FGGY: variants seen among roughly 807,000 people sequenced by gnomAD.
FGGY encodes FGGY carbohydrate kinase domain-containing protein.
FGGY carries 72 observed loss-of-function variants against 71.3 expected under a neutral mutation model. That is an observed-to-expected ratio of 1.01 (90% confidence interval 0.84 to 1.23). FGGY has a LOEUF of 1.23. FGGY is among the 50% of genes most tolerant of loss of function. FGGY has a pLI of 0.00. For missense variants in FGGY, 668 were observed against 682.3 expected, an observed-to-expected ratio of 0.98 and a Z score of 0.23; for synonymous variants, 251 against 250.3, an observed-to-expected ratio of 1.00 and a Z score of -0.02.
intron 14 of FGGY, among the ~76,000 whole-genome samples, chr1:59,689,559 T>TAAA (rs77426995): frequency 0.013 from 1,864 of 145,746 alleles, 21 homozygotes; most frequent in Non-Finnish European, 0.019. Context: ...AGTCTCACTT[T>TAAA]AAAAAAAAAA....
chr1:59,703,591 C>T (rs985480711), intron 14 of FGGY, among the ~76,000 whole-genome samples: 6 of 152,172 alleles, frequency 3.9e-5, no homozygotes, highest in Non-Finnish European at 7.3e-5. Flanking sequence ...TGGAAGTCAG[C>T]ATAATGGGAA....
intron 14 of FGGY, among the ~76,000 whole-genome samples, chr1:59,756,831 G>A (rs993599028): frequency 6.6e-6 from 1 of 152,028 alleles, no homozygotes; most frequent in Non-Finnish European, 1.5e-5. Context: ...GGCAAAGATG[G>A]TCAGGGGAAA....
intron 1 of FGGY, among the ~76,000 whole-genome samples, chr1:59,306,966 C>T (rs984158083): frequency 5.9e-5 from 9 of 151,980 alleles, no homozygotes; most frequent in African/African-American, 1.5e-4. Flanking sequence ...AGAAAGGACT[C>T]GGTTGCTGAC....
At chr1:59,321,461 A>G (rs1377743199) in intron 1 of FGGY, 75 bp from the exon 2 acceptor site, 47 of 1,350,226 alleles carry the variant, frequency 3.5e-5, no homozygotes, top group Non-Finnish European at 4.6e-5. Flanking sequence ...TTTTATTTCT[A>G]CTTTTGAGAT....
intron 1 of FGGY, 88 bp from the exon 2 acceptor site, chr1:59,321,448 C>T (rs562693813): frequency 1.6e-6 from 2 of 1,222,318 alleles, no homozygotes; most frequent in East Asian, 2.5e-5. Flanking sequence ...GTAGCGGTAC[C>T]TCTTTTATTT....
At chr1:59,532,277 C>T (rs573192702) in intron 7 of FGGY, among the ~76,000 whole-genome samples, 9 of 152,154 alleles carry the variant, frequency 5.9e-5, no homozygotes, top group African/African-American at 2.2e-4. Flanking sequence ...AGAACTGAAA[C>T]ATAGATCTGA....
chr1:59,433,844 A>T (rs2067879406), intron 5 of FGGY, among the ~76,000 whole-genome samples: 1 of 152,110 alleles, frequency 6.6e-6, no homozygotes, highest in Non-Finnish European at 1.5e-5. Context: ...TCCTTTTTAA[A>T]TTCTAGATCT....
intron 8 of FGGY, among the ~76,000 whole-genome samples, chr1:59,575,568 G>T (rs1331543776): frequency 6.6e-6 from 1 of 152,154 alleles, no homozygotes; most frequent in Non-Finnish European, 1.5e-5. Flanking sequence ...ACATGAGAGT[G>T]CAGACATCTC....
chr1:59,715,836 C>T (rs1573598127), intron 14 of FGGY, among the ~76,000 whole-genome samples: 1 of 152,310 alleles, frequency 6.6e-6, no homozygotes, highest in East Asian at 1.9e-4. Context: ...TGGCAAACTA[C>T]TCCCCACAGG....
chr1:59,559,590 G>A (rs900103050), intron 8 of FGGY, among the ~76,000 whole-genome samples: 2 of 152,152 alleles, frequency 1.3e-5, no homozygotes, highest in African/African-American at 4.8e-5. Context: ...CCAGATCATG[G>A]TATCTAATAC....
At chr1:59,486,913 G>A (rs901381332) in intron 6 of FGGY, among the ~76,000 whole-genome samples, 8 of 152,074 alleles carry the variant, frequency 5.3e-5, no homozygotes, top group Non-Finnish European at 1.5e-5. Context: ...CATTAATTCC[G>A]GTATTTCTTT....
chr1:59,471,531 T>C (rs536705485), intron 6 of FGGY, among the ~76,000 whole-genome samples: 2 of 152,270 alleles, frequency 1.3e-5, no homozygotes, highest in African/African-American at 2.4e-5. Context: ...CAGAACCAGG[T>C]CTTCACAGTA....
intron 14 of FGGY, among the ~76,000 whole-genome samples, chr1:59,726,894 T>C (rs1339086476): frequency 1.3e-5 from 2 of 152,202 alleles, no homozygotes; most frequent in Non-Finnish European, 2.9e-5. Context: ...AAAATTTTAA[T>C]TTCAACTTTT....
chr1:59,589,545 C>G (rs1325031808), intron 8 of FGGY, among the ~76,000 whole-genome samples: 2 of 152,194 alleles, frequency 1.3e-5, no homozygotes, highest in East Asian at 1.9e-4. Flanking sequence ...AAGTAAAGCT[C>G]TCCTGAGCAA....
intron 8 of FGGY, among the ~76,000 whole-genome samples, chr1:59,587,241 G>T (rs2096314598): frequency 6.6e-6 from 1 of 152,196 alleles, no homozygotes. Context: ...AAGGCTGGGG[G>T]AGGGGCGCCC....
chr1:59,380,380 C>T (rs1163176063), intron 5 of FGGY, among the ~76,000 whole-genome samples: 3 of 151,546 alleles, frequency 2.0e-5, no homozygotes, highest in African/African-American at 7.3e-5. Flanking sequence ...CACTGACTTC[C>T]ACAATGGTTG....
chr1:59,435,475 C>T (rs1192806300), intron 5 of FGGY, among the ~76,000 whole-genome samples: 1 of 152,172 alleles, frequency 6.6e-6, no homozygotes, highest in African/African-American at 2.4e-5. Context: ...CCTGTGCCTT[C>T]TGGACGCTGC....
At chr1:59,350,393 T>G (rs564854510) in intron 4 of FGGY, among the ~76,000 whole-genome samples, 84 of 152,224 alleles carry the variant, frequency 5.5e-4, no homozygotes, top group African/African-American at 2.0e-3. Flanking sequence ...ATATACAAAG[T>G]GCTTTGGGAA....
In FGGY at chr1:59,594,001, C is replaced by G. The variant is rs368832140; in HGVS notation, c.904-13802C>G. Among the ~76,000 whole-genome samples, 18 of 152,320 alleles carry G rather than the reference C, an allele frequency of 1.2e-4. 1 individual carries two copies. Among genetic ancestry groups the G allele is most frequent in the African/African-American group, 4.3e-4 (18 of 41,568 alleles). On this transcript the variant is annotated intron_variant, in intron 8 of 15. Transcript: ENST00000303721. ...AGGCTGTAGTTCATAGCTCTGCAAC[C>G]CTGGGGGGCAGCTATTATATAAACT...
Sources: gnomAD v4.1 joint callset for allele counts (sites outside exome capture counted in the v4.1 genomes callset) on GRCh38, gnomAD v4.1.1 for gene constraint, MANE v1.5 for transcripts, NCBI Gene and HGNC (gene_info 2026-07-23, HGNC 2026-07-21) for gene names.